Variants in ARHGAP12 observed in about 807,000 individuals in gnomAD.
ARHGAP12 encodes the protein Rho GTPase activating protein 12, also known as rho GTPase-activating protein 12.
In ARHGAP12, 64 loss-of-function variants were observed where a neutral mutation model predicts 108.6. The ratio of observed to expected loss-of-function variants is 0.59; its 90% CI spans 0.48 to 0.73. The LOEUF (loss-of-function observed/expected upper bound fraction) is 0.73, where lower values mean the gene tolerates loss of function less well. Ranked by LOEUF, ARHGAP12 falls within the 30% of genes least tolerant of loss-of-function variation. ARHGAP12 has a pLI of 0.00. For synonymous variants in ARHGAP12, 312 were observed against 337.2 expected (o/e 0.93, Z 0.82); for missense variants, 940 against 1,005.9 (o/e 0.93, Z 0.89).
At chr10:31,821,933 T>C (rs1173405406) in intron 11 of ARHGAP12, among the ~76,000 whole-genome samples, 1 of 152,200 alleles carries the variant, frequency 6.6e-6, no homozygotes, top group Admixed American at 6.5e-5. Context: ...AACTTGAACA[T>C]ACATTTAACA....
At chr10:31,886,944 T>C (rs914885280) in intron 3 of ARHGAP12, among the ~76,000 whole-genome samples, 5 of 152,170 alleles carry the variant, frequency 3.3e-5, no homozygotes, top group East Asian at 1.9e-4. Flanking sequence ...CAGTATCTAA[T>C]TGTGATAATA....
chr10:31,849,265 T>C (rs138766365), intron 6 of ARHGAP12, among the ~76,000 whole-genome samples: 84 of 152,264 alleles, frequency 5.5e-4, no homozygotes, highest in African/African-American at 1.8e-3. Flanking sequence ...TCCTGTCTAA[T>C]AGTTTTCTGG....
chr10:31,862,707 C>CACAG (rs1554781369), intron 3 of ARHGAP12, among the ~76,000 whole-genome samples: 1 of 10,048 alleles, frequency 1.0e-4, no homozygotes, highest in East Asian at 1.2e-3. Context: ...CACACACAGA[C>CACAG]ACACACACAC....
chr10:31,878,247 T>G (rs1837809582), intron 3 of ARHGAP12, among the ~76,000 whole-genome samples: 1 of 152,168 alleles, frequency 6.6e-6, no homozygotes, highest in African/African-American at 2.4e-5. Context: ...CCACCCAATT[T>G]TAACTTTTGT....
intron 6 of ARHGAP12, among the ~76,000 whole-genome samples, chr10:31,852,168 A>G (rs1836706171): frequency 6.6e-6 from 1 of 152,230 alleles, no homozygotes; most frequent in African/African-American, 2.4e-5. Context: ...TCAAAAAATG[A>G]TTAAATATAA....
intron 1 of ARHGAP12, among the ~76,000 whole-genome samples, chr10:31,920,562 T>A (rs1839762222): frequency 6.9e-6 from 1 of 145,956 alleles, no homozygotes; most frequent in Non-Finnish European, 1.5e-5. Flanking sequence ...AAAAAAAAAA[T>A]CCACGATTTG....
At chr10:31,874,793 G>A (rs1837663225) in intron 3 of ARHGAP12, among the ~76,000 whole-genome samples, 1 of 151,660 alleles carries the variant, frequency 6.6e-6, no homozygotes, top group African/African-American at 2.4e-5. Context: ...GGCCAACATG[G>A]TGAACCCTCA....
intron 13 of ARHGAP12, among the ~76,000 whole-genome samples, chr10:31,817,058 A>C (rs1835229590): frequency 6.6e-6 from 1 of 152,152 alleles, no homozygotes; most frequent in African/African-American, 2.4e-5. Flanking sequence ...GAGTATAAAA[A>C]AGTGCAAGCC....
At chr10:31,870,397 A>C (rs1025257934) in intron 3 of ARHGAP12, among the ~76,000 whole-genome samples, 1 of 151,896 alleles carries the variant, frequency 6.6e-6, no homozygotes, top group Non-Finnish European at 1.5e-5. Flanking sequence ...CACCCAGCTA[A>C]TTTTGTATTT....
intron 3 of ARHGAP12, among the ~76,000 whole-genome samples, chr10:31,869,919 G>A (rs1019912480): frequency 1.3e-5 from 2 of 152,048 alleles, no homozygotes; most frequent in Non-Finnish European, 2.9e-5. Context: ...TCCATACTAA[G>A]GAGCTACACC....
At chr10:31,889,360 C>G (rs1228548489) in intron 3 of ARHGAP12, among the ~76,000 whole-genome samples, 2 of 152,186 alleles carry the variant, frequency 1.3e-5, no homozygotes, top group African/African-American at 4.8e-5. Context: ...AATGCTCTGC[C>G]AGTCACATAA....
chr10:31,808,113 G>C (rs1834885046), intron 19 of ARHGAP12, among the ~76,000 whole-genome samples: 1 of 151,918 alleles, frequency 6.6e-6, no homozygotes, highest in Non-Finnish European at 1.5e-5. Context: ...TTAAGTATGA[G>C]TTACAATTCA....
intron 12 of ARHGAP12, among the ~76,000 whole-genome samples, chr10:31,819,402 C>G (rs1835327498): frequency 1.3e-5 from 2 of 152,142 alleles, no homozygotes; most frequent in South Asian, 4.1e-4. Flanking sequence ...GGAAGGCTGT[C>G]CACAAAATCA....
chr10:31,845,474 T>C (rs536351775), intron 6 of ARHGAP12, among the ~76,000 whole-genome samples: 1 of 152,278 alleles, frequency 6.6e-6, no homozygotes, highest in South Asian at 2.1e-4. Flanking sequence ...AACTTTAGCA[T>C]AATGTGTCAT....
rs544231250 is a variant in ARHGAP12, at chr10:31,918,984, T to G, written c.-110-8421A>C. On this transcript the variant is annotated intron_variant, in intron 1 of 19. Coordinates refer to ENST00000344936, the MANE Select transcript of ARHGAP12 (RefSeq NM_018287.7). ...CAATAGTCAAAAAGTGGAAGCAAAC[T>G]AAATATCCATCAATGGACGAATAAA... Among the ~76,000 whole-genome samples the G allele has an allele frequency of 5.3e-4, 81 of 152,336 alleles. 1 individual carries two copies. The highest frequency in any genetic ancestry group is 2.1e-3 in the South Asian group (10 of 4,834).
chr10:31,858,582 A>G (rs143886911), intron 4 of ARHGAP12, among the ~76,000 whole-genome samples: 1 of 152,272 alleles, frequency 6.6e-6, no homozygotes, highest in Non-Finnish European at 1.5e-5. Context: ...GCCTCTACCC[A>G]CTAGAGATCA....
At chr10:31,896,930 A>G (rs1838722931) in intron 3 of ARHGAP12, among the ~76,000 whole-genome samples, 1 of 151,978 alleles carries the variant, frequency 6.6e-6, no homozygotes, top group Admixed American at 6.6e-5. Context: ...ACACAGATCT[A>G]TTTCCCTGGA....
Position 31,861,379 on chromosome 10 carries a change from C to T in ARHGAP12, c.948+16G>A. ...AAAATCTGGTAACTTGCAGTTGATT[C>T]CTTAATTACTCATACCTCTTGATCC... is the stretch of plus-strand genomic sequence containing the variant. On this transcript the variant is annotated intron_variant, in intron 4 of 19. Transcript: ENST00000344936. 1.3e-6 allele frequency: 2 copies of T among 1,579,432 alleles called. No individual in the cohort carries two copies. The highest frequency in any genetic ancestry group is 2.4e-5 in the South Asian group (2 of 84,986).
At chr10:31,821,415 T>C (rs1445607025) in intron 11 of ARHGAP12, among the ~76,000 whole-genome samples, 1 of 152,184 alleles carries the variant, frequency 6.6e-6, no homozygotes, top group Non-Finnish European at 1.5e-5. Context: ...AACATTCCTA[T>C]GGTATTGAAA....
Sources: gnomAD v4.1 joint callset for allele counts (sites outside exome capture counted in the v4.1 genomes callset) on GRCh38, gnomAD v4.1.1 for gene constraint, MANE v1.5 for transcripts, NCBI Gene and HGNC (gene_info 2026-07-23, HGNC 2026-07-21) for gene names.